BTN2A2: variants seen among roughly 807,000 people sequenced by gnomAD.
BTN2A2 encodes the protein butyrophilin 2.
A neutral mutation model predicts 34.7 loss-of-function variants in BTN2A2; 29 were observed. That is an observed-to-expected ratio of 0.84 (90% CI 0.62 to 1.14). The LOEUF is 1.14. Ranked by LOEUF, BTN2A2 falls within the 50% of genes most tolerant of loss-of-function variation. The pLI is 0.00. For synonymous variants in BTN2A2, 240 were observed against 253.1 expected (o/e 0.95, Z 0.49); for missense variants, 612 against 651.5 (o/e 0.94, Z 0.66).
At position 26,385,263 on chromosome 6, in the gene BTN2A2, G is replaced by C; in HGVS notation, c.343G>C (p.Val115Leu). The stretch of plus-strand genomic sequence containing the variant: ...CATCAACAGGGGCAGCGTGGCCCTG[G>C]TCATACATAACGTCACAGCCCAGGA... ...KDINRGSVAL[V>L]IHNVTAQENG... The change falls in exon 3 of 8, where the codon GTC becomes CTC. Residue 115 changes from valine (V) to leucine (L), a missense_variant. Physicochemically the swap from Val to Leu is conservative, Grantham distance 32 (BLOSUM62 1). Coordinates refer to ENST00000356709, the MANE Select transcript of BTN2A2 (RefSeq NM_006995.5). The C allele has an allele frequency of 6.2e-7, 1 of 1,614,136 alleles. No homozygotes were observed. The highest frequency in any genetic ancestry group is 8.5e-7 in the Non-Finnish European group (1 of 1,180,030).
chr6:26,392,816 C>A lies in BTN2A2; in HGVS notation c.1421C>A (p.Ser474Ter), dbSNP rs559021444. ...TCGCACATCTACACATGTCCCCGTT[C>A]AGCCTTTACTGTGCCTGTGAGGCCC... The part of the protein sequence containing the change: ...DRSHIYTCPR[S>*]AFTVPVRPFF... The change falls in exon 8 of 8, where the codon TCA becomes TAA. Residue 474 changes from serine to a stop codon, truncating the protein, a stop_gained. Coordinates refer to ENST00000356709, the MANE Select transcript of BTN2A2 (RefSeq NM_006995.5). LOFTEE classifies it low-confidence loss of function (END_TRUNC). 3.7e-6 allele frequency: 6 copies of A among 1,614,104 alleles called. No homozygotes were observed. In the Admixed American group the frequency reaches 6.7e-5, roughly 18 times the overall value.
At position 26,394,464 on chromosome 6, in the gene BTN2A2, ATTC is replaced by A. The variant is rs1241653346; in HGVS notation, c.*1502_*1504del. The A allele has an allele frequency of 1.6e-6, 1 of 617,542 alleles. No homozygotes were observed. The highest frequency in any genetic ancestry group is 3.0e-6 in the Non-Finnish European group (1 of 338,822). 38.3% of individuals were successfully genotyped at this position (617,542 alleles called of 1,614,324 possible). On this transcript the variant is annotated 3_prime_UTR_variant, in exon 8 of 8. Coordinates refer to ENST00000356709, the MANE Select transcript of BTN2A2 (RefSeq NM_006995.5). ...CAACAAAAAGGCAGAGGAAAGGCAA[ATTC>A]TTCTCTCCTCTGGAGCTGAGACACT...
Position 26,390,178 on chromosome 6 carries a change from A to G in BTN2A2, c.898A>G (p.Lys300Glu). Residue 300 changes from lysine (K) to glutamate (E), a missense_variant, in exon 5 of 8, where the codon AAG becomes GAG. Coordinates refer to ENST00000356709, the MANE Select transcript of BTN2A2 (RefSeq NM_006995.5). ...GGAAAAAAAGATTCTGTCAGGGGAA[A>G]AGAAAGTTGAACAAGAGGAAAAAGA... ...QREKKILSGE[K>E]KVEQEEKEIA... The G allele has an allele frequency of 6.2e-7, 1 of 1,614,192 alleles. No homozygotes were observed. Among genetic ancestry groups the G allele is most frequent in the East Asian group, 2.2e-5 (1 of 44,888 alleles).
In BTN2A2 at chr6:26,394,362, T is replaced by A; in HGVS notation, c.*1395T>A. ...GTACAACATTATTTCTGGGTGTGTC[T>A]GTGAGTGTGTTTCCAGAAGAGATTG... is the stretch of plus-strand genomic sequence containing the variant. On this transcript the variant is annotated 3_prime_UTR_variant, in exon 8 of 8. Coordinates refer to ENST00000356709, the MANE Select transcript of BTN2A2 (RefSeq NM_006995.5). The A allele has an allele frequency of 1.4e-6, 1 of 697,464 alleles. No individual in the cohort carries two copies. Among genetic ancestry groups the A allele is most frequent in the Non-Finnish European group, 2.6e-6 (1 of 383,022 alleles). 43.2% of individuals were successfully genotyped at this position (697,464 alleles called of 1,614,324 possible).
rs370976938 is a variant in BTN2A2, at chr6:26,389,345, AC to A, written c.725-659del. On this transcript the variant is annotated intron_variant, in intron 4 of 7. Coordinates refer to ENST00000356709, the MANE Select transcript of BTN2A2 (RefSeq NM_006995.5). ...TAAAGATGGAAATTGAGCAATCAAG[AC>A]AAGGAACCATCAGATGCTTAAGGAC... Among the ~76,000 whole-genome samples, 56 of 152,314 alleles carry A rather than the reference AC, an allele frequency of 3.7e-4. 1 individual carries two copies. In the East Asian group the frequency reaches 7.1e-3, roughly 19 times the overall value.
In BTN2A2 at chr6:26,384,751, G is replaced by A. The variant is rs554089039; in HGVS notation, c.95-264G>A. ...GAGGAAAATCTCAGGGGCACAGGGT[G>A]CCCAGGGCGGGCTCCCCAATGTTTC... On this transcript the variant is annotated intron_variant, in intron 2 of 7. Transcript: ENST00000356709. The surrounding 1 kb of genome is among the most constrained non-coding windows in gnomAD (Gnocchi z 4.0). Among the ~76,000 whole-genome samples the A allele has an allele frequency of 6.6e-6, 1 of 152,174 alleles. No individual in the cohort carries two copies. The highest frequency in any genetic ancestry group is 1.5e-5 in the Non-Finnish European group (1 of 68,030).
At chr6:26,387,979 T>C (rs779842080) in intron 3 of BTN2A2, 34 bp from the exon 4 acceptor site, 4 of 1,585,122 alleles carry the variant, frequency 2.5e-6, no homozygotes, top group Non-Finnish European at 3.4e-6. Flanking sequence ...AAGATACCAC[T>C]GCCTTTTGGC....
chr6:26,392,199 AG>A (rs764223523), intron 7 of BTN2A2, 175 bp from the exon 8 acceptor site: 1 of 1,535,436 alleles, frequency 6.5e-7, no homozygotes, highest in South Asian at 1.2e-5. Context: ...GAGAGATAGA[AG>A]TGCAGCTTCC....
Position 26,391,149 on chromosome 6 carries a change from G to A in BTN2A2, c.979+320G>A, listed in dbSNP as rs538053564. On this transcript the variant is annotated intron_variant, in intron 7 of 7. Transcript: ENST00000356709. ...TCAGAAGTCATTGCTCTTTGATTCT[G>A]GATCAATTTGAAATAAGATAATGCT... The A allele has an allele frequency of 2.3e-4, 121 of 516,148 alleles. 1 individual carries two copies. The East Asian group carries it at 4.0e-3, about 17-fold the overall frequency. 32.0% of individuals were successfully genotyped at this position (516,148 alleles called of 1,614,324 possible). A position where few individuals can be genotyped will look rare whatever the true frequency, so the allele number is the denominator to read the frequency against.
chr6:26,393,469 A>T lies in BTN2A2; in HGVS notation c.*502A>T. The T allele has an allele frequency of 1.9e-6, 2 of 1,058,228 alleles. No homozygotes were observed. The highest frequency in any genetic ancestry group is 2.3e-6 in the Non-Finnish European group (2 of 874,932). 65.6% of individuals were successfully genotyped at this position (1,058,228 alleles called of 1,614,324 possible). A position where few individuals can be genotyped will look rare whatever the true frequency, so the allele number is the denominator to read the frequency against. ...GAGAGCTGGGAGGGACCAAGGTTGT[A>T]AGGATGGCTAAGTCCCACCATAAGA... On this transcript the variant is annotated 3_prime_UTR_variant, in exon 8 of 8. Coordinates refer to ENST00000356709, the MANE Select transcript of BTN2A2 (RefSeq NM_006995.5).
Position 26,392,445 on chromosome 6 carries a change from G to A in BTN2A2, c.1050G>A (p.Arg350=). The A allele has an allele frequency of 1.2e-6, 2 of 1,614,228 alleles. No homozygotes were observed. Among genetic ancestry groups the A allele is most frequent in the Non-Finnish European group, 1.7e-6 (2 of 1,180,040 alleles). The change falls in exon 8 of 8, where the codon AGG becomes AGA. Residue 350 remains arginine, a synonymous_variant. Transcript: ENST00000356709. ...LFLSEDRRSV[R]RGPYRQRVPD... is the part of the protein sequence containing the mutation. The stretch of plus-strand genomic sequence containing the variant: ...TGTCAGAGGACCGGAGAAGTGTGAG[G>A]CGGGGCCCCTACAGGCAGAGAGTGC...
chr6:26,388,236 C>T lies in BTN2A2; in HGVS notation c.666C>T (p.Ser222=). 6.2e-7 allele frequency: 1 copy of T among 1,614,210 alleles called. No homozygotes were observed. The highest frequency in any genetic ancestry group is 1.1e-5 in the South Asian group (1 of 91,082). Residue 222 remains serine (S), a synonymous_variant, in exon 4 of 8, where the codon TCC becomes TCT. Coordinates refer to ENST00000356709, the MANE Select transcript of BTN2A2 (RefSeq NM_006995.5). ...IIRDKYVRNV[S]CSVNNTLLGQ... ...GAGACAAGTATGTGAGGAATGTGTC[C>T]TGCTCTGTCAACAACACCCTGCTCG...
Position 26,393,287 on chromosome 6 carries a change from C to A in BTN2A2, c.*320C>A, listed in dbSNP as rs1761719533. On this transcript the variant is annotated 3_prime_UTR_variant, in exon 8 of 8. Transcript: ENST00000356709. ...ACCTACTGTTTAAAATCAGGATAAC[C>A]ACATTAAGCCCAATATGCCAGTTGG... The A allele has an allele frequency of 1.5e-6, 2 of 1,344,582 alleles. No individual in the cohort carries two copies. The allele number at this position is 1,344,582 out of a possible 1,614,324, so 83.3% of individuals were successfully genotyped here. A position where few individuals can be genotyped will look rare whatever the true frequency, so the allele number is the denominator to read the frequency against.
Position 26,394,260 on chromosome 6 carries a change from G to A in BTN2A2, c.*1293G>A. 3 of 700,544 alleles carry A rather than the reference G, an allele frequency of 4.3e-6. No individual in the cohort carries two copies. Among genetic ancestry groups the A allele is most frequent in the Non-Finnish European group, 5.2e-6 (2 of 384,632 alleles). 43.4% of individuals were successfully genotyped at this position (700,544 alleles called of 1,614,324 possible). On this transcript the variant is annotated 3_prime_UTR_variant, in exon 8 of 8. Transcript: ENST00000356709. ...AACCACATTTTGAAACTAGAATAGTGGATCCTGGAAGTTAATCCATGTGCT... is the reference window on the plus strand; with the variant it reads ...AACCACATTTTGAAACTAGAATAGTAGATCCTGGAAGTTAATCCATGTGCT...
At chr6:26,390,653 A>G in intron 5 of BTN2A2, 34 bp from the exon 6 acceptor site, 1 of 1,614,116 alleles carries the variant, frequency 6.2e-7, no homozygotes, top group Non-Finnish European at 8.5e-7. Flanking sequence ...TCTTCTGTTG[A>G]AGACATGATT....
chr6:26,391,919 A>G (rs1761601419), intron 7 of BTN2A2: 1 of 408,514 alleles, frequency 2.4e-6, no homozygotes, highest in Non-Finnish European at 4.5e-6. Context: ...ACCACCTAGG[A>G]CAGTGTGTAA....
chr6:26,393,535 C>T lies in BTN2A2; in HGVS notation c.*568C>T. On this transcript the variant is annotated 3_prime_UTR_variant, in exon 8 of 8. Transcript: ENST00000356709. ...GAGATGATGGCTCATTTCCACCCAA[C>T]CCCAGGATTTCCACAGCACACACCC... 9.9e-7 allele frequency: 1 copy of T among 1,014,804 alleles called. No homozygotes were observed. Among genetic ancestry groups the T allele is most frequent in the East Asian group, 9.8e-5 (1 of 10,170 alleles). The allele number at this position is 1,014,804 out of a possible 1,614,324, so 62.9% of individuals were successfully genotyped here. A position where few individuals can be genotyped will look rare whatever the true frequency, so the allele number is the denominator to read the frequency against.
rs9461249 is a variant in BTN2A2, at chr6:26,383,158, T to C, written c.-54T>C. ...AGGTCCCAGATACCGAGTCCGCAAC[T>C]CCAAACATCGCGATTAATAGGAGGT... On this transcript the variant is annotated 5_prime_UTR_variant, in exon 1 of 8. Transcript: ENST00000356709. This position sits in a 1 kb window ranked among gnomAD's most constrained non-coding sequence, Gnocchi z 4.4. 33,294 of 152,370 alleles carry C rather than the reference T, an allele frequency of 0.22. 5,939 individuals carry two copies. The highest frequency in any genetic ancestry group is 0.49 in the African/African-American group (20,424 of 41,386). The allele number at this position is 152,370 out of a possible 1,614,324, so 9.4% of individuals were successfully genotyped here.
chr6:26,393,393 G>A lies in BTN2A2; in HGVS notation c.*426G>A. ...GAGAGAGGAATCCACAGGACCACCA[G>A]AAGGGAGAGGGAACCAGATATGCAG... On this transcript the variant is annotated 3_prime_UTR_variant, in exon 8 of 8. Transcript: ENST00000356709. 8.8e-7 allele frequency: 1 copy of A among 1,132,092 alleles called. No individual in the cohort carries two copies. The highest frequency in any genetic ancestry group is 1.1e-6 in the Non-Finnish European group (1 of 916,586). 70.1% of individuals were successfully genotyped at this position (1,132,092 alleles called of 1,614,324 possible). A position where few individuals can be genotyped will look rare whatever the true frequency, so the allele number is the denominator to read the frequency against.
Sources: gnomAD v4.1 joint callset for allele counts (sites outside exome capture counted in the v4.1 genomes callset) on GRCh38, gnomAD v4.1.1 for gene constraint, Gnocchi (gnomAD v3.1) non-coding constraint, MANE v1.5 for transcripts, NCBI Gene and HGNC (gene_info 2026-07-23, HGNC 2026-07-21) for gene names.